The following IRF2BPL variants were observed in gnomAD, a reference collection of about 807,000 sequenced individuals.
IRF2BPL encodes probable E3 ubiquitin-protein ligase IRF2BPL.
IRF2BPL carries 13 observed loss-of-function variants against 51.2 expected under a neutral mutation model. The observed-to-expected ratio is 0.25, with a 90% confidence interval of 0.17 to 0.40. IRF2BPL has a LOEUF of 0.40. Ranked by LOEUF, IRF2BPL falls within the 10% of genes least tolerant of loss-of-function variation. The pLI, the probability that IRF2BPL is intolerant of heterozygous loss-of-function variation, is 1.00. For synonymous variants in IRF2BPL, 768 were observed against 509.2 expected (o/e 1.51, Z -6.84); for missense variants, 1,210 against 1,111.8 (o/e 1.09, Z -1.26).
rs1885235719 is a variant in IRF2BPL, at chr14:77,028,416, G to T, written c.-624C>A. ...TCGGCCGTTCTGCTGGCGGCGACTG[G>T]GTTTGCACCCCGGAGGGAGCCGCCG... is the stretch of plus-strand genomic sequence containing the variant. On this transcript the variant is annotated 5_prime_UTR_variant, in exon 1 of 1. Transcript: ENST00000238647. 7.5e-6 allele frequency: 2 copies of T among 266,284 alleles called. No homozygotes were observed. Among genetic ancestry groups the T allele is most frequent in the African/African-American group, 4.6e-5 (2 of 43,922 alleles). 16.5% of individuals were successfully genotyped at this position (266,284 alleles called of 1,614,324 possible).
chr14:77,026,088 ACTG>A lies in IRF2BPL; in HGVS notation c.1702_1704del (p.Gln568del), dbSNP rs1885106943. On this transcript the variant is annotated inframe_deletion, in exon 1 of 1. Transcript: ENST00000238647. Reference sequence around the variant, plus strand: ...AGCGCCTCGCTCTGGTTCGCCATCCACTGCTGCCTCTGCTGTTCCTCGCCCAGC... The same window carrying A: ...AGCGCCTCGCTCTGGTTCGCCATCCACTGCCTCTGCTGTTCCTCGCCCAGC... 6.4e-7 allele frequency: 1 copy of A among 1,574,386 alleles called. No homozygotes were observed. Among genetic ancestry groups the A allele is most frequent in the African/African-American group, 1.4e-5 (1 of 73,918 alleles).
In IRF2BPL at chr14:77,025,375, G is replaced by C. The variant is rs566462991; in HGVS notation, c.*27C>G. 6.6e-7 allele frequency: 1 copy of C among 1,505,436 alleles called. No individual in the cohort carries two copies. The highest frequency in any genetic ancestry group is 8.9e-7 in the Non-Finnish European group (1 of 1,118,292). The allele number at this position is 1,505,436 out of a possible 1,614,324, so 93.3% of individuals were successfully genotyped here. ...TCAGGATTGGAGAGGAGCTGGTCTAGGGCAAAGGAGGTGGCTGCCCAGTGG... is the reference window on the plus strand; with the variant it reads ...TCAGGATTGGAGAGGAGCTGGTCTACGGCAAAGGAGGTGGCTGCCCAGTGG... On this transcript the variant is annotated 3_prime_UTR_variant, in exon 1 of 1. Coordinates refer to ENST00000238647, the MANE Select transcript of IRF2BPL (RefSeq NM_024496.4).
Position 77,026,931 on chromosome 14 carries a change from C to T in IRF2BPL, c.862G>A (p.Ala288Thr). 8 of 1,471,784 alleles carry T rather than the reference C, an allele frequency of 5.4e-6. No individual in the cohort carries two copies. The highest frequency in any genetic ancestry group is 7.2e-6 in the Non-Finnish European group (8 of 1,112,530). The allele number at this position is 1,471,784 out of a possible 1,614,324, so 91.2% of individuals were successfully genotyped here. A position where few individuals can be genotyped will look rare whatever the true frequency, so the allele number is the denominator to read the frequency against. Residue 288 changes from alanine to threonine, a missense_variant, in exon 1 of 1, where the codon GCT becomes ACT. Ala to Thr is a moderately conservative substitution (Grantham distance 58, BLOSUM62 0). Coordinates refer to ENST00000238647, the MANE Select transcript of IRF2BPL (RefSeq NM_024496.4). ...GGGCCCCCAGGAGCCCCTGGGGGAG[C>T]AGGCGTCGGGGGCCCACGGCTGCCC... ...ALGSRGPPTP[A>T]PPGAPGGPAC...
Position 77,027,781 on chromosome 14 carries a change from C to A in IRF2BPL, c.12G>T (p.Ala4=). 1 of 1,577,844 alleles carries A rather than the reference C, an allele frequency of 6.3e-7. No individual in the cohort carries two copies. The highest frequency in any genetic ancestry group is 8.6e-7 in the Non-Finnish European group (1 of 1,160,818). MSA[A]QVSSSRRQSC... ...ATTGTCTCCGGGACGAGGACACCTG[C>A]GCCGCCGACATGATGCCTGCCCTGG... The change falls in exon 1 of 1, where the codon GCG becomes GCT. Residue 4 remains alanine (A), a synonymous_variant. Coordinates refer to ENST00000238647, the MANE Select transcript of IRF2BPL (RefSeq NM_024496.4).
Position 77,026,981 on chromosome 14 carries a change from A to G in IRF2BPL, c.812T>C (p.Leu271Pro). The change falls in exon 1 of 1, where the codon CTC becomes CCC. Residue 271 changes from leucine (L) to proline (P), a missense_variant. By Grantham distance (98) the Leu-to-Pro change is moderately conservative. Transcript: ENST00000238647. ...LLNGPASAAV[L>P]PPPPPHALGS... is the part of the protein sequence containing the mutation. ...CAGGGCGTGGGGAGGGGGTGGGGGG[A>G]GTACCGCAGCGCTGGCCGGGCCGTT... 2 of 1,477,946 alleles carry G rather than the reference A, an allele frequency of 1.4e-6. No individual in the cohort carries two copies. The highest frequency in any genetic ancestry group is 1.3e-5 in the South Asian group (1 of 75,064). 91.6% of individuals were successfully genotyped at this position (1,477,946 alleles called of 1,614,324 possible).
Position 77,026,852 on chromosome 14 carries a change from G to C in IRF2BPL, c.941C>G (p.Ser314Cys). The C allele has an allele frequency of 6.2e-7, 1 of 1,604,964 alleles. No individual in the cohort carries two copies. Among genetic ancestry groups the C allele is most frequent in the East Asian group, 2.2e-5 (1 of 44,610 alleles). The change falls in exon 1 of 1, where the codon TCT (serine) becomes TGT (cysteine). Residue 314 changes from serine to cysteine, a missense_variant. By Grantham distance (112) the Ser-to-Cys change is moderately radical. Transcript: ENST00000238647. ...GVSATSSSAS[S>C]STSSSVAEVG... ...CTCTGCCACCGACGAAGAGGTCGAA[G>C]ACGACGCGGAGGACGACGTGGCCGA...
In IRF2BPL at chr14:77,026,459, C is replaced by T. The variant is rs1885126299; in HGVS notation, c.1334G>A (p.Cys445Tyr). 1 of 1,613,584 alleles carries T rather than the reference C, an allele frequency of 6.2e-7. No individual in the cohort carries two copies. Among genetic ancestry groups the T allele is most frequent in the Non-Finnish European group, 8.5e-7 (1 of 1,180,014 alleles). ...SGVAKQMYQDCMKDFGRGLSS... is the reference protein window; with the variant it reads ...SGVAKQMYQDYMKDFGRGLSS... ...TAGGCCCCGGCCGAAGTCCTTCATG[C>T]AGTCCTGATACATCTGCTTGGCCAC... is the stretch of plus-strand genomic sequence containing the variant. The change falls in exon 1 of 1, where the codon TGC becomes TAC. Residue 445 changes from cysteine to tyrosine, a missense_variant. Cys to Tyr is a radical substitution (Grantham distance 194). Coordinates refer to ENST00000238647, the MANE Select transcript of IRF2BPL (RefSeq NM_024496.4).
Position 77,025,176 on chromosome 14 carries a change from A to G in IRF2BPL, c.*226T>C. ...AACCAATACTATACTGCTTAACACA[A>G]ACCAGCTTATCCTTCAAATGAAGAA... On this transcript the variant is annotated 3_prime_UTR_variant, in exon 1 of 1. Transcript: ENST00000238647. The G allele has an allele frequency of 2.4e-6, 1 of 418,800 alleles. No homozygotes were observed. Among genetic ancestry groups the G allele is most frequent in the Non-Finnish European group, 4.3e-6 (1 of 234,390 alleles). 25.9% of individuals were successfully genotyped at this position (418,800 alleles called of 1,614,324 possible).
Position 77,025,301 on chromosome 14 carries a change from C to T in IRF2BPL, c.*101G>A, listed in dbSNP as rs1885077622. 2 of 773,060 alleles carry T rather than the reference C, an allele frequency of 2.6e-6. No individual in the cohort carries two copies. Among genetic ancestry groups the T allele is most frequent in the Admixed American group, 5.8e-5 (2 of 34,236 alleles). The allele number at this position is 773,060 out of a possible 1,614,324, so 47.9% of individuals were successfully genotyped here. A position where few individuals can be genotyped will look rare whatever the true frequency, so the allele number is the denominator to read the frequency against. ...GTTTCGTTATATTCACAATTCTACA[C>T]CTTGGGGGTGAGGGGAGGGAGGGTC... is the stretch of plus-strand genomic sequence containing the variant. On this transcript the variant is annotated 3_prime_UTR_variant, in exon 1 of 1. Coordinates refer to ENST00000238647, the MANE Select transcript of IRF2BPL (RefSeq NM_024496.4).
Position 77,025,195 on chromosome 14 carries a change from T to C in IRF2BPL, c.*207A>G. 2.3e-6 allele frequency: 1 copy of C among 439,932 alleles called. No individual in the cohort carries two copies. The highest frequency in any genetic ancestry group is 4.0e-6 in the Non-Finnish European group (1 of 248,002). 27.3% of individuals were successfully genotyped at this position (439,932 alleles called of 1,614,324 possible). On this transcript the variant is annotated 3_prime_UTR_variant, in exon 1 of 1. Coordinates refer to ENST00000238647, the MANE Select transcript of IRF2BPL (RefSeq NM_024496.4). The stretch of plus-strand genomic sequence containing the variant: ...AACACAAACCAGCTTATCCTTCAAA[T>C]GAAGAAGTTACATACCTTTGTTTCA...
rs1303212806 is a variant in IRF2BPL, at chr14:77,027,415, T to C, written c.378A>G (p.Gln126=). Residue 126 remains glutamine, a synonymous_variant, in exon 1 of 1, where the codon CAA becomes CAG. Transcript: ENST00000238647. ...TGGAACCATCAACGTGGTTGAGCTG[T>C]TGTTGCTGCTGCTGCTGCTGCTGCT... ...QQQQQQQQQQ[Q]QLNHVDGSSK... 3.5e-6 allele frequency: 5 copies of C among 1,424,582 alleles called. No homozygotes were observed. The highest frequency in any genetic ancestry group is 1.3e-5 in the South Asian group (1 of 77,004). 88.2% of individuals were successfully genotyped at this position (1,424,582 alleles called of 1,614,324 possible).
chr14:77,027,958 C>T lies in IRF2BPL; in HGVS notation c.-166G>A. On this transcript the variant is annotated 5_prime_UTR_variant, in exon 1 of 1. Coordinates refer to ENST00000238647, the MANE Select transcript of IRF2BPL (RefSeq NM_024496.4). The stretch of plus-strand genomic sequence containing the variant: ...TGGAGGGAACGCGAGTCTCCACCGC[C>T]GGCGCAGCGCCTCGCCGTGGGGGCT... 1 of 827,856 alleles carries T rather than the reference C, an allele frequency of 1.2e-6. No individual in the cohort carries two copies. The highest frequency in any genetic ancestry group is 1.7e-6 in the Non-Finnish European group (1 of 581,970). The allele number at this position is 827,856 out of a possible 1,614,324, so 51.3% of individuals were successfully genotyped here.
In IRF2BPL at chr14:77,027,700, C is replaced by G; in HGVS notation, c.93G>C (p.Ser31=). 1 of 1,610,264 alleles carries G rather than the reference C, an allele frequency of 6.2e-7. No homozygotes were observed. Among genetic ancestry groups the G allele is most frequent in the Non-Finnish European group, 8.5e-7 (1 of 1,178,772 alleles). The change falls in exon 1 of 1, where the codon TCG becomes TCC. Residue 31 remains serine, a synonymous_variant. Coordinates refer to ENST00000238647, the MANE Select transcript of IRF2BPL (RefSeq NM_024496.4). ...TGACGCAACCGCGGCATACGGGTTC[C>G]GAGAAGTCCCAGATCATGGCCCAGG... ...RMPWAMIWDF[S]EPVCRGCVNY...
Position 77,027,457 on chromosome 14 carries a change from C to CTGCTGCTGCTGT in IRF2BPL, c.335_336insACAGCAGCAGCA (p.Gln124_Gln127dup), listed in dbSNP as rs1885179748. The stretch of plus-strand genomic sequence containing the variant: ...GCTGCTGCTGCTGCTGCTGTTGCTG[C>CTGCTGCTGCTGT]TGCTGCTGCTGCTGTTGCTGTTGCT... On this transcript the variant is annotated inframe_insertion, in exon 1 of 1. Transcript: ENST00000238647. 2 of 1,426,278 alleles carry CTGCTGCTGCTGT rather than the reference C, an allele frequency of 1.4e-6. No homozygotes were observed. The highest frequency in any genetic ancestry group is 2.5e-5 in the Admixed American group (1 of 39,450). 88.4% of individuals were successfully genotyped at this position (1,426,278 alleles called of 1,614,324 possible). A position where few individuals can be genotyped will look rare whatever the true frequency, so the allele number is the denominator to read the frequency against.
chr14:77,025,590 T>A lies in IRF2BPL; in HGVS notation c.2203A>T (p.Ser735Cys), dbSNP rs141239534. 2.2e-3 allele frequency: 3,604 copies of A among 1,607,468 alleles called. 6 individuals are homozygous for A. The highest frequency in any genetic ancestry group is 2.9e-3 in the Non-Finnish European group (3,432 of 1,176,690). Residue 735 changes from serine (S) to cysteine (C), a missense_variant, in exon 1 of 1, where the codon AGC becomes TGC. Ser to Cys is a moderately radical substitution (Grantham distance 112). Transcript: ENST00000238647. ...THFVQCPSVP[S>C]HKFCFPCSRE... ...GAGCAAGGGAAGCAAAATTTGTGGC[T>A]GGGGACGGAAGGGCACTGAACGAAA... is the stretch of plus-strand genomic sequence containing the variant.
In IRF2BPL at chr14:77,027,988, C is replaced by G; in HGVS notation, c.-196G>C. The stretch of plus-strand genomic sequence containing the variant: ...CAGCGCCTCGCCGTGGGGGCTCCAC[C>G]GCCCGGGCAGCGGACGGGTTCAGCC... On this transcript the variant is annotated 5_prime_UTR_variant, in exon 1 of 1. Transcript: ENST00000238647. 6 of 605,552 alleles carry G rather than the reference C, an allele frequency of 9.9e-6. No homozygotes were observed. In the South Asian group the frequency reaches 1.6e-4, roughly 16 times the overall value. The allele number at this position is 605,552 out of a possible 1,614,324, so 37.5% of individuals were successfully genotyped here. A position where few individuals can be genotyped will look rare whatever the true frequency, so the allele number is the denominator to read the frequency against.
In IRF2BPL at chr14:77,027,508, C is replaced by G; in HGVS notation, c.285G>C (p.Ala95=). 3 of 673,008 alleles carry G rather than the reference C, an allele frequency of 4.5e-6. No homozygotes were observed. The highest frequency in any genetic ancestry group is 5.6e-6 in the Non-Finnish European group (3 of 535,454). The allele number at this position is 673,008 out of a possible 1,614,324, so 41.7% of individuals were successfully genotyped here. ...AKEAAAAAAA[A]AAAAAAAQQQ... is the part of the protein sequence containing the mutation. ...GTTGCGCGGCGGCGGCGGCGGCCGC[C>G]GCTGCTGCCGCCGCCGCCGCCGCTT... The change falls in exon 1 of 1, where the codon GCG becomes GCC. Residue 95 remains alanine, a synonymous_variant. Coordinates refer to ENST00000238647, the MANE Select transcript of IRF2BPL (RefSeq NM_024496.4).
rs376081521 is a variant in IRF2BPL at position 77,027,664 on chromosome 14, G to A, written c.129C>T (p.Gly43=). 29 of 1,611,660 alleles carry A rather than the reference G, an allele frequency of 1.8e-5. No individual in the cohort carries two copies. Among genetic ancestry groups the A allele is most frequent in the South Asian group, 1.4e-4 (13 of 91,006 alleles). Residue 43 remains glycine, a synonymous_variant, in exon 1 of 1, where the codon GGC becomes GGT. Coordinates refer to ENST00000238647, the MANE Select transcript of IRF2BPL (RefSeq NM_024496.4). ...CGATCACGAATTCGATGCGATCAGC[G>A]CCCTCGTAGTTGACGCAACCGCGGC... The part of the protein sequence containing the change: ...PVCRGCVNYE[G]ADRIEFVIET...
Position 77,026,150 on chromosome 14 carries a change from G to A in IRF2BPL, c.1643C>T (p.Pro548Leu), listed in dbSNP as rs750894979. Residue 548 changes from proline to leucine, a missense_variant, in exon 1 of 1, where the codon CCG (proline) becomes CTG (leucine). Pro to Leu is a moderately conservative substitution (Grantham distance 98). Transcript: ENST00000238647. ...AASLRKRKAS[P>L]EPPDSAEGAL... is the part of the protein sequence containing the mutation. ...GCCCTCGGCTGAGTCCGGGGGCTCC[G>A]GAGAGGCCTTTCTCTTGCGCAGGCT... The A allele has an allele frequency of 6.6e-7, 1 of 1,526,024 alleles. No homozygotes were observed. 94.5% of individuals were successfully genotyped at this position (1,526,024 alleles called of 1,614,324 possible).
Sources: gnomAD v4.1 joint callset for allele counts on GRCh38, gnomAD v4.1.1 for gene constraint, MANE v1.5 for transcripts, NCBI Gene and HGNC (gene_info 2026-07-23, HGNC 2026-07-21) for gene names.